The following RASEF variants were observed in gnomAD, a reference collection of about 807,000 sequenced individuals.
RASEF encodes the protein RAS and EF-hand domain containing, also known as ras and EF-hand domain-containing protein.
A neutral mutation model predicts 90.1 loss-of-function variants in RASEF; 68 were observed. The ratio of observed to expected loss-of-function variants is 0.75; its 90% CI spans 0.62 to 0.92. The LOEUF is 0.92. Ranked by LOEUF, RASEF falls within the 40% of genes least tolerant of loss-of-function variation. The pLI, the probability that RASEF is intolerant of heterozygous loss-of-function variation, is 0.00. For synonymous variants in RASEF, 331 were observed against 345.2 expected (o/e 0.96, Z 0.46); for missense variants, 949 against 937.2 (o/e 1.01, Z -0.16).
chr9:83,000,820 A>G, intron 10 of RASEF, 76 bp downstream of exon 10: 1 of 1,276,304 alleles, frequency 7.8e-7, no homozygotes, highest in South Asian at 1.3e-5. Context: ...GATTTCCATG[A>G]CAGATAGAAG....
At chr9:83,144,550 C>T in the RASEF span, among the ~76,000 whole-genome samples, 1 of 151,936 alleles carries the variant, frequency 6.6e-6, no homozygotes, top group African/African-American at 2.4e-5. Flanking sequence ...TTCCACTGTG[C>T]TTTAAAGGAT....
the RASEF span, among the ~76,000 whole-genome samples, chr9:83,112,423 G>A: frequency 1.3e-5 from 2 of 152,296 alleles, no homozygotes; most frequent in African/African-American, 2.4e-5. Context: ...GGCGGCTCAC[G>A]CCTGTAATCC....
chr9:83,094,660 G>C, the RASEF span, among the ~76,000 whole-genome samples: 8 of 152,036 alleles, frequency 5.3e-5, no homozygotes, highest in Non-Finnish European at 1.0e-4. Context: ...TTAATGTTAA[G>C]TTTTCTTTTA....
At chr9:83,166,292 T>C in the RASEF span, among the ~76,000 whole-genome samples, 1 of 152,100 alleles carries the variant, frequency 6.6e-6, no homozygotes. Flanking sequence ...TACAGCAATG[T>C]ATTTAAAAAA....
chr9:83,120,440 A>G, the RASEF span, among the ~76,000 whole-genome samples: 1 of 152,126 alleles, frequency 6.6e-6, no homozygotes, highest in Non-Finnish European at 1.5e-5. Context: ...TCAGTCATGG[A>G]ATTTGCCTAG....
the RASEF span, among the ~76,000 whole-genome samples, chr9:83,145,126 A>G: frequency 6.6e-6 from 1 of 152,162 alleles, no homozygotes; most frequent in Non-Finnish European, 1.5e-5. Flanking sequence ...TTGCTACACA[A>G]AAAATTTCTT....
the RASEF span, among the ~76,000 whole-genome samples, chr9:83,219,124 A>AAAT: frequency 4.5e-4 from 69 of 152,334 alleles, no homozygotes; most frequent in Non-Finnish European, 7.4e-4. Flanking sequence ...TCAAAGTAAT[A>AAAT]AATAATAATA....
the RASEF span, among the ~76,000 whole-genome samples, chr9:83,068,181 T>C: frequency 6.6e-6 from 1 of 152,276 alleles, no homozygotes; most frequent in African/African-American, 2.4e-5. Flanking sequence ...CGCTGTTTCA[T>C]ATTATATATG....
intron 1 of RASEF, among the ~76,000 whole-genome samples, chr9:83,032,300 G>T (rs1175223327): frequency 6.6e-6 from 1 of 152,162 alleles, no homozygotes; most frequent in Non-Finnish European, 1.5e-5. Context: ...GTGCTGAGAA[G>T]GGTGACAAGT....
At position 83,004,588 on chromosome 9, in the gene RASEF, T is replaced by C. The variant is rs779813362; in HGVS notation, c.1114-2A>G. ...CCCTGGTGAGATATTATTTATATGC[T>C]GTAATATAGAAGTAATCATTTGTTA... On this transcript the variant is annotated splice_acceptor_variant, in intron 8 of 16. Transcript: ENST00000376447. LOFTEE classifies it high-confidence loss of function. 6 of 1,507,346 alleles carry C rather than the reference T, an allele frequency of 4.0e-6. No individual in the cohort carries two copies. Among genetic ancestry groups the C allele is most frequent in the Non-Finnish European group, 5.5e-6 (6 of 1,082,922 alleles). 93.4% of individuals were successfully genotyped at this position (1,507,346 alleles called of 1,614,324 possible). A position where few individuals can be genotyped will look rare whatever the true frequency, so the allele number is the denominator to read the frequency against.
chr9:83,154,893 T>C, the RASEF span, among the ~76,000 whole-genome samples: 2 of 152,310 alleles, frequency 1.3e-5, no homozygotes, highest in South Asian at 4.1e-4. Flanking sequence ...TTTTCACTCC[T>C]ACTTTAGAAT....
At chr9:83,152,794 T>G in the RASEF span, among the ~76,000 whole-genome samples, 1 of 151,906 alleles carries the variant, frequency 6.6e-6, no homozygotes, top group South Asian at 2.1e-4. Flanking sequence ...ACTCATAACC[T>G]ACTTATTTAT....
intron 1 of RASEF, among the ~76,000 whole-genome samples, chr9:83,028,488 C>T (rs954686812): frequency 1.3e-5 from 2 of 152,200 alleles, no homozygotes; most frequent in African/African-American, 2.4e-5. Flanking sequence ...TACCCACCCA[C>T]TTGATCAACA....
At chr9:82,986,974 G>A (rs1024372412) in intron 16 of RASEF, among the ~76,000 whole-genome samples, 1 of 152,198 alleles carries the variant, frequency 6.6e-6, no homozygotes, top group Non-Finnish European at 1.5e-5. Flanking sequence ...AGTAGTTCAG[G>A]TTGTTAACCA....
At chr9:83,213,351 G>A in the RASEF span, among the ~76,000 whole-genome samples, 7 of 148,626 alleles carry the variant, frequency 4.7e-5, no homozygotes, top group African/African-American at 1.8e-4. Flanking sequence ...AGTGAGCTGA[G>A]ATTGTACCAC....
intron 1 of RASEF, among the ~76,000 whole-genome samples, chr9:83,029,223 G>A (rs1587507118): frequency 6.6e-6 from 1 of 152,080 alleles, no homozygotes; most frequent in Non-Finnish European, 1.5e-5. Context: ...AAATCATACT[G>A]CTTCCCTATG....
intron 16 of RASEF, 92 bp downstream of exon 16, chr9:82,990,299 C>T: frequency 6.2e-6 from 5 of 806,252 alleles, no homozygotes; most frequent in Admixed American, 2.1e-5. Flanking sequence ...GAGTGTTTTC[C>T]CGCATATATT....
rs1295046959 is a variant in RASEF, at chr9:83,014,397, T to G, written c.765+1408A>C. On this transcript the variant is annotated intron_variant, in intron 4 of 16. Coordinates refer to ENST00000376447, the MANE Select transcript of RASEF (RefSeq NM_152573.4). ...CTCACTGCAGCCTTCCTCTCCCAGC[T>G]TCAAGTGATCCTTCCACCCCAGCCT... Among the ~76,000 whole-genome samples, 7 of 152,138 alleles carry G rather than the reference T, an allele frequency of 4.6e-5. No homozygotes were observed. In the East Asian group the frequency reaches 1.3e-3, roughly 29 times the overall value.
chr9:82,982,453 G>A lies in RASEF; in HGVS notation c.*224C>T. On this transcript the variant is annotated 3_prime_UTR_variant, in exon 17 of 17. Coordinates refer to ENST00000376447, the MANE Select transcript of RASEF (RefSeq NM_152573.4). ...CATGTTATCTTTTAAGACCTGTAAG[G>A]ACATGACTAGTCTATTTAGCCAGAG... 4.6e-6 allele frequency: 2 copies of A among 430,620 alleles called. No homozygotes were observed. Among genetic ancestry groups the A allele is most frequent in the Non-Finnish European group, 8.5e-6 (2 of 235,512 alleles). The allele number at this position is 430,620 out of a possible 1,614,324, so 26.7% of individuals were successfully genotyped here.
Sources: gnomAD v4.1 joint callset for allele counts (sites outside exome capture counted in the v4.1 genomes callset) on GRCh38, gnomAD v4.1.1 for gene constraint, MANE v1.5 for transcripts, NCBI Gene and HGNC (gene_info 2026-07-23, HGNC 2026-07-21) for gene names.